The following CDH12 variants were observed in gnomAD, a reference collection of about 807,000 sequenced individuals.
CDH12 encodes the protein cadherin-12.
CDH12 carries 41 observed loss-of-function variants against 74.1 expected under a neutral mutation model. That is an observed-to-expected ratio of 0.55 (90% CI 0.43 to 0.72). CDH12 has a LOEUF of 0.72. CDH12 is among the 30% of genes least tolerant of loss of function. The pLI is 0.00. For missense variants in CDH12, 945 were observed against 977.2 expected (o/e 0.97, Z 0.44); for synonymous variants, 399 against 355.0 (o/e 1.12, Z -1.39).
Position 22,678,053 on chromosome 5 carries a change from G to GGGA in CDH12, c.-522-172690_-522-172689insTCC, listed in dbSNP as rs1554058357. On this transcript the variant is annotated intron_variant, in intron 1 of 14. Coordinates refer to ENST00000382254, the MANE Select transcript of CDH12 (RefSeq NM_004061.5). ...TCCTATACCATCCTCATGGGGGGGG[G>GGGA]GGTTAGGATTTTAATGTAAAATTTT... Among the ~76,000 whole-genome samples, 68 of 150,576 alleles carry GGGA rather than the reference G, an allele frequency of 4.5e-4. 2 individuals are homozygous for GGGA. Among genetic ancestry groups the GGGA allele is most frequent in the East Asian group, 3.9e-4 (2 of 5,074 alleles).
intron 8 of CDH12, among the ~76,000 whole-genome samples, chr5:21,833,142 A>ATTATATG (rs1156321340): frequency 0.028 from 552 of 20,040 alleles, 75 homozygotes; most frequent in African/African-American, 0.19. Flanking sequence ...ATAAATATAT[A>ATTATATG]TTATATAACA....
At chr5:22,272,633 A>G (rs1424164339) in intron 3 of CDH12, among the ~76,000 whole-genome samples, 1 of 152,042 alleles carries the variant, frequency 6.6e-6, no homozygotes, top group African/African-American at 2.4e-5. Context: ...GAACATTTAG[A>G]GGTTATTGTA....
intron 5 of CDH12, among the ~76,000 whole-genome samples, chr5:22,001,358 C>T (rs1248089243): frequency 6.6e-6 from 1 of 152,080 alleles, no homozygotes; most frequent in African/African-American, 2.4e-5. Context: ...TCATCAATGG[C>T]TGTATTTTGC....
At chr5:21,839,147 AT>A (rs1322264706) in intron 8 of CDH12, among the ~76,000 whole-genome samples, 1 of 152,196 alleles carries the variant, frequency 6.6e-6, no homozygotes, top group Non-Finnish European at 1.5e-5. Flanking sequence ...GGTTAAAAAA[AT>A]AAAAATTCAG....
At chr5:22,641,520 C>A (rs1220316121) in intron 1 of CDH12, among the ~76,000 whole-genome samples, 1 of 152,084 alleles carries the variant, frequency 6.6e-6, no homozygotes, top group Non-Finnish European at 1.5e-5. Flanking sequence ...ACAGGCCCAC[C>A]CAGAGCAGCA....
intron 1 of CDH12, among the ~76,000 whole-genome samples, chr5:22,786,135 TA>T (rs1274744780): frequency 6.6e-6 from 1 of 151,658 alleles, no homozygotes; most frequent in Non-Finnish European, 1.5e-5. Flanking sequence ...TATACAGCCA[TA>T]AAAAAGAATG....
rs923407760 is a variant in CDH12 at position 22,336,650 on chromosome 5, C to T, written c.-333+68607G>A. ...CCACATGGTGTTGAGCCTGCCAGTG[C>T]ACACAAGTCAAGAATTGGGGTTTGG... On this transcript the variant is annotated intron_variant, in intron 3 of 14. Coordinates refer to ENST00000382254, the MANE Select transcript of CDH12 (RefSeq NM_004061.5). Among the ~76,000 whole-genome samples the T allele has an allele frequency of 2.6e-5, 4 of 152,198 alleles. No individual in the cohort carries two copies. In the East Asian group the frequency reaches 7.7e-4, roughly 29 times the overall value.
intron 5 of CDH12, among the ~76,000 whole-genome samples, chr5:22,076,892 G>T (rs1007343267): frequency 6.6e-6 from 1 of 152,024 alleles, no homozygotes; most frequent in Non-Finnish European, 1.5e-5. Flanking sequence ...ATCGTTTGGG[G>T]CTCACTTTGA....
intron 1 of CDH12, among the ~76,000 whole-genome samples, chr5:22,692,808 G>A (rs1026956773): frequency 6.7e-6 from 1 of 149,920 alleles, no homozygotes; most frequent in African/African-American, 2.5e-5. Flanking sequence ...CCAGAGTTAA[G>A]CTTACCTTTT....
intron 1 of CDH12, among the ~76,000 whole-genome samples, chr5:22,661,224 A>G (rs1740330443): frequency 6.6e-6 from 1 of 152,168 alleles, no homozygotes; most frequent in Non-Finnish European, 1.5e-5. Flanking sequence ...TTAATCTAAC[A>G]CCTAACAAAG....
In CDH12 at chr5:22,186,773, C is replaced by T. The variant is rs4305617; in HGVS notation, c.-187+25725G>A. On this transcript the variant is annotated intron_variant, in intron 4 of 14. Coordinates refer to ENST00000382254, the MANE Select transcript of CDH12 (RefSeq NM_004061.5). ...AGTGTGAGTCACTGAGCCTGGCCAG[C>T]ATTTTTATATACCTGCAAAAGACAC... is the stretch of plus-strand genomic sequence containing the variant. Among the ~76,000 whole-genome samples, 1,003 of 152,176 alleles carry T rather than the reference C, an allele frequency of 6.6e-3. 10 individuals are homozygous for T. The highest frequency in any genetic ancestry group is 0.023 in the African/African-American group (963 of 41,522).
intron 13 of CDH12, among the ~76,000 whole-genome samples, chr5:21,757,642 T>G (rs1428360184): frequency 6.6e-6 from 1 of 152,170 alleles, no homozygotes; most frequent in African/African-American, 2.4e-5. Context: ...TTGTGACAAG[T>G]ACATGTCTAG....
intron 1 of CDH12, among the ~76,000 whole-genome samples, chr5:22,585,553 A>C (rs6875488): frequency 0.25 from 37,406 of 151,784 alleles, 5,243 homozygotes; most frequent in Admixed American, 0.43. Flanking sequence ...CACATGTTAC[A>C]TATTCTCATT....
chr5:22,297,473 T>C (rs1017050362), intron 3 of CDH12, among the ~76,000 whole-genome samples: 6 of 152,344 alleles, frequency 3.9e-5, no homozygotes, highest in African/African-American at 1.2e-4. Context: ...TATGCTGATA[T>C]CTGATTAGAG....
intron 3 of CDH12, among the ~76,000 whole-genome samples, chr5:22,359,038 C>T (rs1026536775): frequency 2.0e-5 from 3 of 152,052 alleles, no homozygotes; most frequent in Admixed American, 6.6e-5. Flanking sequence ...GCAAAATAAC[C>T]AGCTAACATC....
At chr5:22,197,171 G>A (rs956983346) in intron 4 of CDH12, among the ~76,000 whole-genome samples, 37 of 152,094 alleles carry the variant, frequency 2.4e-4, no homozygotes, top group African/African-American at 5.8e-4. Context: ...ATAGCCGGGT[G>A]CAGCGGCTCA....
intron 6 of CDH12, among the ~76,000 whole-genome samples, chr5:21,880,539 C>CTTCCTTCCTTCCTTCCTTCCCTTCT: frequency 9.6e-6 from 1 of 104,476 alleles, no homozygotes; most frequent in Admixed American, 1.0e-4. Context: ...CCTTCTTTTC[C>CTTCCTTCCTTCCTTCCTTCCCTTCT]TTCCTTCCTT....
intron 2 of CDH12, among the ~76,000 whole-genome samples, chr5:22,412,368 C>T (rs1009029408): frequency 2.0e-5 from 3 of 151,846 alleles, no homozygotes; most frequent in African/African-American, 4.8e-5. Context: ...TCATGTCTTT[C>T]GGTTTATTTT....
intron 4 of CDH12, among the ~76,000 whole-genome samples, chr5:22,195,452 G>A (rs1750565003): frequency 6.6e-6 from 1 of 152,174 alleles, no homozygotes; most frequent in African/African-American, 2.4e-5. Flanking sequence ...AATTGTAAAT[G>A]CCATTCTTAT....
Sources: allele counts gnomAD v4.1 joint callset (sites outside exome capture counted in the v4.1 genomes callset), GRCh38; gene constraint gnomAD v4.1.1; transcripts MANE v1.5; gene names NCBI Gene and HGNC (gene_info 2026-07-23, HGNC 2026-07-21).